Variants in ZBTB20 observed in about 807,000 individuals in gnomAD.
The protein encoded by ZBTB20 is zinc finger and BTB domain containing 20, also known as zinc finger and BTB domain-containing protein 20.
In ZBTB20, 9 loss-of-function variants were observed where a neutral mutation model predicts 56.9. The observed-to-expected ratio is 0.16, with a 90% CI of 0.10 to 0.28. The LOEUF is 0.28. ZBTB20 is among the 10% of genes least tolerant of loss of function. The pLI, the probability that ZBTB20 is intolerant of heterozygous loss-of-function variation, is 1.00. For synonymous variants in ZBTB20, 417 were observed against 420.7 expected, an observed-to-expected ratio of 0.99 and a Z score of 0.11; for missense variants, 655 against 1,003.0, an observed-to-expected ratio of 0.65 and a Z score of 4.69.
intron 5 of ZBTB20, among the ~76,000 whole-genome samples, chr3:114,752,750 A>T (rs1420324766): frequency 6.6e-6 from 1 of 151,988 alleles, no homozygotes; most frequent in East Asian, 1.9e-4. Flanking sequence ...GAAGGACAGT[A>T]CTCCTTACTC....
chr3:114,444,160 T>C (rs1576788487), intron 7 of ZBTB20, among the ~76,000 whole-genome samples: 1 of 152,202 alleles, frequency 6.6e-6, no homozygotes, highest in East Asian at 1.9e-4. Flanking sequence ...TTTGATAAGA[T>C]AGTAAAATAT....
intron 2 of ZBTB20, among the ~76,000 whole-genome samples, chr3:115,037,105 T>G (rs753227534): frequency 2.6e-5 from 4 of 152,192 alleles, no homozygotes; most frequent in Non-Finnish European, 5.9e-5. Flanking sequence ...CTTTTACTAA[T>G]AGTGAGGATA....
intron 5 of ZBTB20, among the ~76,000 whole-genome samples, chr3:114,768,935 A>G (rs915371764): frequency 2.0e-5 from 3 of 152,212 alleles, no homozygotes; most frequent in African/African-American, 7.2e-5. Flanking sequence ...TAGCTTGCTT[A>G]GGCACATGTG....
intron 6 of ZBTB20, among the ~76,000 whole-genome samples, chr3:114,632,602 C>G (rs2059021248): frequency 6.6e-6 from 1 of 152,146 alleles, no homozygotes; most frequent in Non-Finnish European, 1.5e-5. Flanking sequence ...TTCTTTTGTA[C>G]TGTGCCCTGT....
chr3:114,919,514 T>G (rs894778143), intron 3 of ZBTB20, among the ~76,000 whole-genome samples: 11 of 152,134 alleles, frequency 7.2e-5, no homozygotes, highest in African/African-American at 2.7e-4. Context: ...GAGACCATCC[T>G]GGCCAAGTTC....
intron 3 of ZBTB20, among the ~76,000 whole-genome samples, chr3:114,920,929 C>T (rs982465836): frequency 6.6e-6 from 1 of 152,002 alleles, no homozygotes; most frequent in African/African-American, 2.4e-5. Context: ...AACAGAAACA[C>T]ACAGGATTAT....
chr3:114,486,801 G>A (rs771236931), intron 7 of ZBTB20, among the ~76,000 whole-genome samples: 6 of 152,130 alleles, frequency 3.9e-5, no homozygotes, highest in Non-Finnish European at 7.3e-5. Context: ...AGGGATTAAA[G>A]GTAGAACCCA....
At chr3:114,348,843 T>C (rs992558939) in intron 11 of ZBTB20, among the ~76,000 whole-genome samples, 4 of 152,196 alleles carry the variant, frequency 2.6e-5, no homozygotes, top group African/African-American at 9.7e-5. Flanking sequence ...GAAACTAATT[T>C]GTTTTCATGT....
intron 6 of ZBTB20, among the ~76,000 whole-genome samples, chr3:114,657,202 G>A (rs992429078): frequency 1.3e-5 from 2 of 152,038 alleles, no homozygotes; most frequent in South Asian, 2.1e-4. Flanking sequence ...ATTACTAGTC[G>A]ACCACTTTGA....
chr3:114,596,432 C>A (rs2056321223), intron 6 of ZBTB20, among the ~76,000 whole-genome samples: 1 of 152,070 alleles, frequency 6.6e-6, no homozygotes. Context: ...ATAAATGAGG[C>A]AGGCAAACAG....
intron 7 of ZBTB20, among the ~76,000 whole-genome samples, chr3:114,424,462 C>T (rs2089467232): frequency 6.6e-6 from 1 of 152,318 alleles, no homozygotes; most frequent in East Asian, 1.9e-4. Context: ...GCCAATTAGT[C>T]CTTCCAGCTT....
intron 4 of ZBTB20, among the ~76,000 whole-genome samples, chr3:114,828,563 T>A (rs1297243361): frequency 6.6e-6 from 1 of 151,902 alleles, no homozygotes; most frequent in Admixed American, 6.6e-5. Context: ...TATTTCTACA[T>A]TAAAATATTG....
intron 7 of ZBTB20, among the ~76,000 whole-genome samples, chr3:114,442,550 C>G (rs957768898): frequency 1.3e-5 from 2 of 152,136 alleles, no homozygotes; most frequent in Non-Finnish European, 2.9e-5. Context: ...CTGGCAAAGT[C>G]AAAATCCTTT....
chr3:114,717,689 T>A (rs1295425862), intron 5 of ZBTB20, among the ~76,000 whole-genome samples: 1 of 152,088 alleles, frequency 6.6e-6, no homozygotes, highest in African/African-American at 2.4e-5. Context: ...ATTAGAAAAA[T>A]TGTCCGTATT....
chr3:114,628,828 C>T (rs1427180954), intron 6 of ZBTB20, among the ~76,000 whole-genome samples: 2 of 152,082 alleles, frequency 1.3e-5, no homozygotes, highest in Non-Finnish European at 2.9e-5. Flanking sequence ...GCCTTCAATT[C>T]AGCTCTGAAT....
intron 6 of ZBTB20, among the ~76,000 whole-genome samples, chr3:114,616,230 A>G (rs1004044423): frequency 1.3e-5 from 2 of 152,156 alleles, no homozygotes; most frequent in African/African-American, 4.8e-5. Flanking sequence ...CCATGCTAAC[A>G]CTGGAACATA....
At chr3:114,684,297 A>T (rs931393232) in intron 6 of ZBTB20, among the ~76,000 whole-genome samples, 19 of 152,210 alleles carry the variant, frequency 1.2e-4, no homozygotes, top group African/African-American at 4.3e-4. Flanking sequence ...CAAAATGCTG[A>T]CGCATTTTTG....
chr3:114,957,834 C>T (rs545959753), intron 3 of ZBTB20, among the ~76,000 whole-genome samples: 6 of 152,246 alleles, frequency 3.9e-5, no homozygotes, highest in South Asian at 2.1e-4. Context: ...GTTTGTCCTC[C>T]AGGATGAATG....
rs201307789 is a variant in ZBTB20, at chr3:114,599,832, CTTAAGA to C, written c.-295+93690_-295+93695del. Among the ~76,000 whole-genome samples, 39 of 151,988 alleles carry C rather than the reference CTTAAGA, an allele frequency of 2.6e-4. No individual in the cohort carries two copies. In the East Asian group the frequency reaches 7.2e-3, roughly 28 times the overall value. On this transcript the variant is annotated intron_variant, in intron 6 of 11. Coordinates refer to ENST00000675478, the MANE Select transcript of ZBTB20 (RefSeq NM_001348800.3). ...TACATCAGACTCATTCCAAATCTTC[CTTAAGA>C]TTATTATCTAGATTAGGGTTACATG...
Sources: gnomAD v4.1 joint callset for allele counts (sites outside exome capture counted in the v4.1 genomes callset) on GRCh38, gnomAD v4.1.1 for gene constraint, MANE v1.5 for transcripts, NCBI Gene and HGNC (gene_info 2026-07-23, HGNC 2026-07-21) for gene names.